Variants in LIMS1 observed in about 807,000 individuals in gnomAD.
LIMS1 encodes LIM zinc finger domain containing 1, also known as LIM and senescent cell antigen-like-containing domain protein 1.
A neutral mutation model predicts 44.1 loss-of-function variants in LIMS1; 18 were observed. The ratio of observed to expected loss-of-function variants is 0.41; its 90% confidence interval spans 0.28 to 0.61. LIMS1 has a LOEUF of 0.61. Ranked by LOEUF, LIMS1 falls within the 20% of genes least tolerant of loss-of-function variation. LIMS1 has a pLI of 0.32. For missense variants in LIMS1, 201 were observed against 422.0 expected (o/e 0.48, Z 4.59); for synonymous variants, 93 against 149.1 (o/e 0.62, Z 2.74).
At chr2:108,588,991 G>T (rs927215314) in intron 1 of LIMS1, among the ~76,000 whole-genome samples, 1 of 152,134 alleles carries the variant, frequency 6.6e-6, no homozygotes, top group Admixed American at 6.5e-5. Context: ...TTCTATAAAA[G>T]ACCTTAGTAA....
intron 1 of LIMS1, among the ~76,000 whole-genome samples, chr2:108,548,591 C>T (rs2104582213): frequency 6.6e-6 from 1 of 152,288 alleles, no homozygotes; most frequent in East Asian, 1.9e-4. Context: ...TAATACAGAA[C>T]TGTCTATTGA....
At chr2:108,622,289 A>G (rs1688292733) in intron 1 of LIMS1, among the ~76,000 whole-genome samples, 1 of 152,156 alleles carries the variant, frequency 6.6e-6, no homozygotes. Context: ...GATGGCGGGA[A>G]GGCTATCTAT....
intron 1 of LIMS1, among the ~76,000 whole-genome samples, chr2:108,616,195 G>T (rs1352543051): frequency 2.1e-5 from 3 of 139,682 alleles, no homozygotes; most frequent in Non-Finnish European, 3.0e-5. Flanking sequence ...AGTTTGCATG[G>T]GCTTTTTTTT....
chr2:108,672,750 C>T (rs1692239474), intron 4 of LIMS1, 130 bp from the exon 5 acceptor site: 4 of 320,248 alleles, frequency 1.2e-5, no homozygotes, highest in South Asian at 2.5e-5. Flanking sequence ...GATTCTGCCC[C>T]GTGAAGCACA....
chr2:108,678,933 G>T (rs1173696612), intron 8 of LIMS1, among the ~76,000 whole-genome samples: 1 of 152,154 alleles, frequency 6.6e-6, no homozygotes, highest in Non-Finnish European at 1.5e-5. Context: ...GGCCAAGGGG[G>T]CACAGTTGCT....
chr2:108,553,778 T>G (rs1342406559), intron 1 of LIMS1, among the ~76,000 whole-genome samples: 1 of 152,146 alleles, frequency 6.6e-6, no homozygotes, highest in Admixed American at 6.5e-5. Context: ...TGTTGGACAT[T>G]AGAGTATATG....
chr2:108,601,656 C>T lies in LIMS1; in HGVS notation c.33-57949C>T, dbSNP rs911104744. Among the ~76,000 whole-genome samples, 6 of 152,296 alleles carry T rather than the reference C, an allele frequency of 3.9e-5. 1 individual carries two copies. Among genetic ancestry groups the T allele is most frequent in the Admixed American group, 6.5e-5 (1 of 15,296 alleles). On this transcript the variant is annotated intron_variant, in intron 1 of 9. Coordinates refer to ENST00000544547, the Ensembl canonical transcript of LIMS1. ...AATTGAGTTCAAATTTAATATTTAA[C>T]TTTTCCTCCACACACATGCCTGGCT... is the stretch of plus-strand genomic sequence containing the variant.
intron 1 of LIMS1, among the ~76,000 whole-genome samples, chr2:108,598,033 AG>A (rs1425012386): frequency 1.3e-5 from 2 of 151,682 alleles, no homozygotes; most frequent in Non-Finnish European, 2.9e-5. Context: ...CCTGTTCTAC[AG>A]ATGAATTCTG....
intron 1 of LIMS1, among the ~76,000 whole-genome samples, chr2:108,540,261 T>C (rs1223466216): frequency 1.4e-5 from 2 of 140,484 alleles, no homozygotes; most frequent in African/African-American, 2.6e-5. Context: ...TGCAGTGGCA[T>C]GATCTCGGCT....
intron 1 of LIMS1, among the ~76,000 whole-genome samples, chr2:108,635,833 C>A (rs988098620): frequency 3.3e-5 from 5 of 152,136 alleles, no homozygotes; most frequent in African/African-American, 7.2e-5. Flanking sequence ...TTGTTTAAAT[C>A]GTCTGTTCCT....
chr2:108,587,290 T>TG lies in LIMS1; in HGVS notation c.32+52696_32+52697insG, dbSNP rs1686149698. On this transcript the variant is annotated intron_variant, in intron 1 of 9. Transcript: ENST00000544547. The stretch of plus-strand genomic sequence containing the variant: ...AAGTGATGAGTTGTTTTCTTGGGGT[T>TG]TGTGTGTGTGTGTGTGTGTGTGTGT... 2.5e-3 allele frequency among the ~76,000 whole-genome samples: 260 copies of TG among 106,074 alleles called. 3 individuals are homozygous for TG. The highest frequency in any genetic ancestry group is 0.014 in the Middle Eastern group (3 of 214). The allele number at this position is 106,074 out of a possible 152,430, so 69.6% of individuals were successfully genotyped here. A position where few individuals can be genotyped will look rare whatever the true frequency, so the allele number is the denominator to read the frequency against.
chr2:108,582,472 G>C (rs554435486), intron 1 of LIMS1, among the ~76,000 whole-genome samples: 17 of 152,248 alleles, frequency 1.1e-4, no homozygotes, highest in African/African-American at 4.1e-4. Flanking sequence ...GTTGATATCT[G>C]TTTCAGATAT....
chr2:108,534,702 C>A, intron 1 of LIMS1, 108 bp downstream of exon 1: 2 of 594,202 alleles, frequency 3.4e-6, no homozygotes, highest in South Asian at 7.1e-5. Context: ...GGGCTTTCCC[C>A]GCGGCCTCCC....
intron 2 of LIMS1, chr2:108,662,105 G>A: frequency 6.3e-7 from 1 of 1,584,984 alleles, no homozygotes; most frequent in Non-Finnish European, 8.6e-7. Context: ...AGAACTCAGA[G>A]AAAAAGACAG....
chr2:108,656,087 TG>T (rs1467763881), intron 1 of LIMS1, among the ~76,000 whole-genome samples: 2 of 114,762 alleles, frequency 1.7e-5, no homozygotes, highest in African/African-American at 6.3e-5. Context: ...TGACAGTAAC[TG>T]GGGAATTGTA....
intron 1 of LIMS1, among the ~76,000 whole-genome samples, chr2:108,638,008 G>A (rs1380647138): frequency 3.3e-5 from 5 of 151,844 alleles, no homozygotes; most frequent in African/African-American, 1.2e-4. Context: ...GCATGCCACC[G>A]TGCCCGGCTA....
chr2:108,677,015 T>C (rs921442093), intron 7 of LIMS1: 2 of 277,858 alleles, frequency 7.2e-6, no homozygotes, highest in Non-Finnish European at 1.4e-5. Context: ...TACTCCTTTA[T>C]CCCTAAATAC....
In LIMS1 at chr2:108,534,366, C is replaced by A. The variant is rs1221405292; in HGVS notation, c.-197C>A. 2.6e-5 allele frequency: 7 copies of A among 268,442 alleles called. No homozygotes were observed. In the East Asian group the frequency reaches 3.4e-4, roughly 13 times the overall value. The allele number at this position is 268,442 out of a possible 1,614,324, so 16.6% of individuals were successfully genotyped here. A position where few individuals can be genotyped will look rare whatever the true frequency, so the allele number is the denominator to read the frequency against. On this transcript the variant is annotated 5_prime_UTR_variant, in exon 1 of 10. Coordinates refer to ENST00000544547, the Ensembl canonical transcript of LIMS1. ...GCCCCTCCTTGCCCAGCCGCTCCCG[C>A]CCCTCCCCCGCCTTCCCGCGCGGCC...
chr2:108,551,877 GTATA>G (rs554063808), intron 1 of LIMS1, among the ~76,000 whole-genome samples: 7 of 141,910 alleles, frequency 4.9e-5, no homozygotes, highest in South Asian at 2.2e-4. Flanking sequence ...GTATACATAT[GTATA>G]TATGTGTATA....
Sources: gnomAD v4.1 joint callset for allele counts (sites outside exome capture counted in the v4.1 genomes callset) on GRCh38, gnomAD v4.1.1 for gene constraint, MANE v1.5 for transcripts, NCBI Gene and HGNC (gene_info 2026-07-23, HGNC 2026-07-21) for gene names.